SNX24: variants seen among roughly 807,000 people sequenced by gnomAD.
SNX24 encodes the protein sorting nexin 24, also known as sorting nexin-24.
SNX24 carries 22 observed loss-of-function variants against 28.7 expected under a neutral mutation model. The ratio of observed to expected loss-of-function variants is 0.77; its 90% CI spans 0.55 to 1.10. The LOEUF is 1.10. SNX24 is among the 50% of genes least tolerant of loss of function. SNX24 has a pLI of 0.00. For synonymous variants in SNX24, 69 were observed against 71.5 expected, an observed-to-expected ratio of 0.96 and a Z score of 0.18; for missense variants, 221 against 201.1, an observed-to-expected ratio of 1.10 and a Z score of -0.60.
chr5:122,904,418 G>C (rs1387068246), intron 1 of SNX24, among the ~76,000 whole-genome samples: 1 of 152,096 alleles, frequency 6.6e-6, no homozygotes, highest in Non-Finnish European at 1.5e-5. Flanking sequence ...CCCGACCTCA[G>C]GTGATCCGCC....
At chr5:122,902,890 C>A (rs896273997) in intron 1 of SNX24, among the ~76,000 whole-genome samples, 1 of 152,182 alleles carries the variant, frequency 6.6e-6, no homozygotes, top group Non-Finnish European at 1.5e-5. Context: ...AGTTTCAACT[C>A]ATATTAGTCT....
chr5:122,943,835 G>C (rs750602446), intron 2 of SNX24, among the ~76,000 whole-genome samples: 7 of 152,098 alleles, frequency 4.6e-5, no homozygotes, highest in Non-Finnish European at 1.0e-4. Flanking sequence ...ACCATTTTAG[G>C]ATTCTGTCCC....
chr5:122,896,177 G>T (rs1171645287), intron 1 of SNX24, among the ~76,000 whole-genome samples: 7 of 152,148 alleles, frequency 4.6e-5, no homozygotes, highest in Non-Finnish European at 2.9e-5. Flanking sequence ...TAGAAGCAGA[G>T]TTTTGTTTGT....
intron 1 of SNX24, among the ~76,000 whole-genome samples, chr5:122,881,313 A>G (rs1756472363): frequency 6.6e-6 from 1 of 152,190 alleles, no homozygotes; most frequent in Non-Finnish European, 1.5e-5. Flanking sequence ...TATATTACTG[A>G]CAGTATACTT....
At chr5:122,866,837 A>G (rs1357983065) in intron 1 of SNX24, among the ~76,000 whole-genome samples, 1 of 152,188 alleles carries the variant, frequency 6.6e-6, no homozygotes, top group Non-Finnish European at 1.5e-5. Context: ...TGGCTAGGCA[A>G]CAGCCTTAGC....
Position 122,946,177 on chromosome 5 carries a change from C to T in SNX24, c.249+18C>T. On this transcript the variant is annotated intron_variant, in intron 3 of 6. Coordinates refer to ENST00000261369, the MANE Select transcript of SNX24 (RefSeq NM_014035.4). ...ACTTACAGGTAAGATATGTTTAGAT[C>T]CTCATTTTATATAACATAAATAATC... 1 of 1,392,460 alleles carries T rather than the reference C, an allele frequency of 7.2e-7. No homozygotes were observed. The highest frequency in any genetic ancestry group is 1.0e-6 in the Non-Finnish European group (1 of 985,494). 86.3% of individuals were successfully genotyped at this position (1,392,460 alleles called of 1,614,324 possible). A position where few individuals can be genotyped will look rare whatever the true frequency, so the allele number is the denominator to read the frequency against.
At chr5:122,904,700 AT>A (rs1347554139) in intron 1 of SNX24, among the ~76,000 whole-genome samples, 3 of 152,178 alleles carry the variant, frequency 2.0e-5, no homozygotes, top group Non-Finnish European at 4.4e-5. Flanking sequence ...AATATGTCTT[AT>A]TCTATTCAGT....
At chr5:122,863,481 A>G (rs1224527365) in intron 1 of SNX24, among the ~76,000 whole-genome samples, 2 of 151,364 alleles carry the variant, frequency 1.3e-5, no homozygotes, top group Admixed American at 6.6e-5. Context: ...GGGAGGGCAG[A>G]GCATAGGTCT....
chr5:123,015,208 A>G (rs925559017), intron 5 of SNX24, among the ~76,000 whole-genome samples: 12 of 152,206 alleles, frequency 7.9e-5, no homozygotes, highest in African/African-American at 2.9e-4. Context: ...CAACTGTTGA[A>G]TGGGTGGGTG....
chr5:122,983,156 G>T (rs2150157950), intron 3 of SNX24: 1 of 149,378 alleles, frequency 6.7e-6, no homozygotes, highest in South Asian at 2.1e-4. Flanking sequence ...CCCAAAGATG[G>T]AAGTAAATGA....
intron 3 of SNX24, among the ~76,000 whole-genome samples, chr5:122,973,962 A>G (rs560789385): frequency 7.2e-5 from 11 of 152,334 alleles, no homozygotes; most frequent in Non-Finnish European, 1.3e-4. Flanking sequence ...CTCAAGTGGC[A>G]GAGCAGCTTG....
At chr5:122,996,930 C>G (rs62377425) in intron 3 of SNX24, among the ~76,000 whole-genome samples, 28,741 of 152,016 alleles carry the variant, frequency 0.19, 3,605 homozygotes, top group Non-Finnish European at 0.29. Context: ...ATAGGATGAC[C>G]CAGGGTACAG....
At chr5:122,879,691 G>A (rs572755699) in intron 1 of SNX24, among the ~76,000 whole-genome samples, 1 of 151,510 alleles carries the variant, frequency 6.6e-6, no homozygotes, top group South Asian at 2.1e-4. Context: ...ATGTATGTAT[G>A]TATGTATTTA....
chr5:123,027,044 A>C (rs749018982), intron 5 of SNX24, among the ~76,000 whole-genome samples: 7 of 152,030 alleles, frequency 4.6e-5, no homozygotes, highest in South Asian at 2.1e-4. Context: ...AATACAAAAA[A>C]TCAGCCGGGC....
chr5:122,979,106 G>A (rs1263022016), intron 3 of SNX24, among the ~76,000 whole-genome samples: 1 of 152,128 alleles, frequency 6.6e-6, no homozygotes, highest in Admixed American at 6.5e-5. Context: ...GGTTACAATA[G>A]TAGTACCCCC....
intron 3 of SNX24, among the ~76,000 whole-genome samples, chr5:122,954,999 C>G (rs1760141247): frequency 1.3e-5 from 2 of 152,088 alleles, no homozygotes; most frequent in South Asian, 4.2e-4. Context: ...CCTCTGATAA[C>G]AGGAATACTA....
At chr5:122,859,025 G>A (rs1755333139) in intron 1 of SNX24, among the ~76,000 whole-genome samples, 1 of 152,118 alleles carries the variant, frequency 6.6e-6, no homozygotes, top group African/African-American at 2.4e-5. Context: ...TAGAATTACA[G>A]GTGTGAGCAA....
intron 1 of SNX24, among the ~76,000 whole-genome samples, chr5:122,873,603 A>T (rs909606294): frequency 2.6e-5 from 4 of 152,004 alleles, no homozygotes; most frequent in Non-Finnish European, 4.4e-5. Flanking sequence ...GCACAATTTC[A>T]TCAGCTCCAA....
chr5:122,887,013 T>TA (rs1581706718), intron 1 of SNX24, among the ~76,000 whole-genome samples: 1 of 152,182 alleles, frequency 6.6e-6, no homozygotes, highest in African/African-American at 2.4e-5. Context: ...TATCCGTACT[T>TA]ACTGTTTTTT....
Sources: allele counts gnomAD v4.1 joint callset (sites outside exome capture counted in the v4.1 genomes callset), GRCh38; gene constraint gnomAD v4.1.1; transcripts MANE v1.5; gene names NCBI Gene and HGNC (gene_info 2026-07-23, HGNC 2026-07-21).